The following PDE3A variants were observed in gnomAD, a reference collection of about 807,000 sequenced individuals.
PDE3A encodes the protein phosphodiesterase 3A, also known as cGMP-inhibited 3',5'-cyclic phosphodiesterase 3A.
PDE3A carries 43 observed loss-of-function variants against 98.3 expected under a neutral mutation model. The ratio of observed to expected loss-of-function variants is 0.44; its 90% confidence interval spans 0.34 to 0.56. The LOEUF is 0.56. PDE3A is among the 20% of genes least tolerant of loss of function. The probability of loss-of-function intolerance (pLI) is 0.01; values close to 1 mark genes in which losing one functional copy is unlikely to be tolerated. For missense variants in PDE3A, 1,427 were observed against 1,440.7 expected (o/e 0.99, Z 0.15); for synonymous variants, 663 against 567.9 (o/e 1.17, Z -2.38).
chr12:20,379,241 G>A (rs1442100997), intron 1 of PDE3A, among the ~76,000 whole-genome samples: 1 of 151,786 alleles, frequency 6.6e-6, no homozygotes, highest in Non-Finnish European at 1.5e-5. Flanking sequence ...TTTTAAGCTA[G>A]CATGAACACA....
At chr12:20,524,822 A>T (rs1197665499) in intron 1 of PDE3A, among the ~76,000 whole-genome samples, 1 of 151,980 alleles carries the variant, frequency 6.6e-6, no homozygotes. Flanking sequence ...ACCTCTGTGC[A>T]CTACCCTCTT....
chr12:20,479,718 A>G (rs1157280192), intron 1 of PDE3A, among the ~76,000 whole-genome samples: 1 of 152,182 alleles, frequency 6.6e-6, no homozygotes, highest in African/African-American at 2.4e-5. Context: ...TACACTGAGG[A>G]CACTTGGGCA....
At position 20,563,475 on chromosome 12, in the gene PDE3A, A is replaced by G. The variant is rs535333566; in HGVS notation, c.1011+6765A>G. 3.3e-5 allele frequency among the ~76,000 whole-genome samples: 5 copies of G among 152,234 alleles called. 1 individual carries two copies. Among genetic ancestry groups the G allele is most frequent in the African/African-American group, 1.2e-4 (5 of 41,542 alleles). On this transcript the variant is annotated intron_variant, in intron 2 of 15. Transcript: ENST00000359062. ...TCAAATGTCCGACATGTTACCAGGG[A>G]ATAATTTATGCCCTAGAGCTAGCTG...
chr12:20,398,483 T>C (rs1311158897), intron 1 of PDE3A, among the ~76,000 whole-genome samples: 1 of 152,046 alleles, frequency 6.6e-6, no homozygotes, highest in Non-Finnish European at 1.5e-5. Flanking sequence ...TTCTGAGTTA[T>C]AAACAGCCTC....
At position 20,369,161 on chromosome 12, in the gene PDE3A, C is replaced by A. The variant is rs933993449; in HGVS notation, c.-124C>A. 1.6e-5 allele frequency: 10 copies of A among 630,850 alleles called. No individual in the cohort carries two copies. The highest frequency in any genetic ancestry group is 7.1e-5 in the South Asian group (3 of 42,318). 39.1% of individuals were successfully genotyped at this position (630,850 alleles called of 1,614,324 possible). A position where few individuals can be genotyped will look rare whatever the true frequency, so the allele number is the denominator to read the frequency against. Reference sequence around the variant, plus strand: ...GTGGGCCTGGGGAGAAGAAGGATTCCGAGGGTGGAATTGGGAAGAGCGTGC... The same window carrying A: ...GTGGGCCTGGGGAGAAGAAGGATTCAGAGGGTGGAATTGGGAAGAGCGTGC... On this transcript the variant is annotated 5_prime_UTR_variant, in exon 1 of 16. Transcript: ENST00000359062.
chr12:20,452,300 A>G (rs553311977), intron 1 of PDE3A, among the ~76,000 whole-genome samples: 1 of 152,312 alleles, frequency 6.6e-6, no homozygotes, highest in Admixed American at 6.5e-5. Flanking sequence ...AGTGTAAGTG[A>G]AACAAAATAA....
intron 1 of PDE3A, among the ~76,000 whole-genome samples, chr12:20,408,598 T>G: frequency 6.6e-6 from 1 of 152,310 alleles, no homozygotes; most frequent in Non-Finnish European, 1.5e-5. Context: ...TTAAATGGAT[T>G]TATACATAAT....
At chr12:20,628,357 T>C (rs1401967463) in intron 5 of PDE3A, among the ~76,000 whole-genome samples, 1 of 152,150 alleles carries the variant, frequency 6.6e-6, no homozygotes, top group Non-Finnish European at 1.5e-5. Flanking sequence ...GAAAAATAAA[T>C]GAGTCTTTTT....
intron 1 of PDE3A, among the ~76,000 whole-genome samples, chr12:20,398,547 A>AAATAAACT (rs1472841647): frequency 6.6e-6 from 1 of 152,050 alleles, no homozygotes; most frequent in Non-Finnish European, 1.5e-5. Context: ...TTATTTTTTT[A>AAATAAACT]GCCTTGGTTT....
intron 1 of PDE3A, among the ~76,000 whole-genome samples, chr12:20,554,063 A>C (rs1005069662): frequency 6.6e-6 from 1 of 151,790 alleles, no homozygotes; most frequent in African/African-American, 2.4e-5. Flanking sequence ...GTACCAAGAA[A>C]GATATAACGT....
chr12:20,482,030 C>T (rs1945639794), intron 1 of PDE3A, among the ~76,000 whole-genome samples: 1 of 151,988 alleles, frequency 6.6e-6, no homozygotes, highest in African/African-American at 2.4e-5. Flanking sequence ...TCCCAAAGTG[C>T]TAGGATTACA....
chr12:20,623,135 A>G (rs1301853073), intron 5 of PDE3A, among the ~76,000 whole-genome samples: 2 of 152,164 alleles, frequency 1.3e-5, no homozygotes, highest in Non-Finnish European at 2.9e-5. Context: ...TGAAGAAAGA[A>G]TTATTAAACT....
At chr12:20,481,985 C>A (rs954521905) in intron 1 of PDE3A, among the ~76,000 whole-genome samples, 1 of 151,666 alleles carries the variant, frequency 6.6e-6, no homozygotes. Context: ...AGGATGGTCT[C>A]GATCTCCTGA....
intron 15 of PDE3A, among the ~76,000 whole-genome samples, chr12:20,659,923 GT>G (rs1945124472): frequency 6.6e-6 from 1 of 152,138 alleles, no homozygotes; most frequent in African/African-American, 2.4e-5. Flanking sequence ...TAAAGTCTAG[GT>G]CTTCACAGAT....
At chr12:20,591,308 C>G (rs911926003) in intron 2 of PDE3A, among the ~76,000 whole-genome samples, 1 of 152,224 alleles carries the variant, frequency 6.6e-6, no homozygotes, top group Non-Finnish European at 1.5e-5. Flanking sequence ...AATGTACATA[C>G]TTAACTCTGT....
chr12:20,646,483 G>C lies in PDE3A; in HGVS notation c.2252-7G>C. On this transcript the variant is annotated splice_polypyrimidine_tract_variant and splice_region_variant and intron_variant, in intron 10 of 15. Transcript: ENST00000359062. The stretch of plus-strand genomic sequence containing the variant: ...AACTGATGACTGTTCCTGTTCACTG[G>C]TTACAGATCATAACAGAATCCATGC... 1 of 1,486,778 alleles carries C rather than the reference G, an allele frequency of 6.7e-7. No individual in the cohort carries two copies. Among genetic ancestry groups the C allele is most frequent in the East Asian group, 2.3e-5 (1 of 44,250 alleles). 92.1% of individuals were successfully genotyped at this position (1,486,778 alleles called of 1,614,324 possible).
chr12:20,632,949 C>CTTTTTTTT (rs5796876), intron 6 of PDE3A, among the ~76,000 whole-genome samples: 2 of 102,112 alleles, frequency 2.0e-5, no homozygotes, highest in Non-Finnish European at 3.7e-5. Flanking sequence ...AATAATGAGG[C>CTTTTTTTT]TTTTTTTTTT....
intron 1 of PDE3A, among the ~76,000 whole-genome samples, chr12:20,472,926 G>C (rs879493934): frequency 6.6e-6 from 1 of 151,960 alleles, no homozygotes; most frequent in Non-Finnish European, 1.5e-5. Flanking sequence ...TCACCATCAT[G>C]GTAAATCTTT....
chr12:20,591,863 G>A (rs1459862294), intron 2 of PDE3A, among the ~76,000 whole-genome samples: 1 of 152,122 alleles, frequency 6.6e-6, no homozygotes, highest in Non-Finnish European at 1.5e-5. Context: ...CCAGTATTTT[G>A]TTTTCAAAGT....
Sources: allele counts gnomAD v4.1 joint callset (sites outside exome capture counted in the v4.1 genomes callset), GRCh38; gene constraint gnomAD v4.1.1; transcripts MANE v1.5; gene names NCBI Gene and HGNC (gene_info 2026-07-23, HGNC 2026-07-21).